SMAD2: variants seen among roughly 807,000 people sequenced by gnomAD.
SMAD2 encodes SMAD family member 2.
SMAD2 carries 8 observed loss-of-function variants against 64.4 expected under a neutral mutation model. That is an observed-to-expected ratio of 0.12 (90% CI 0.07 to 0.22). The LOEUF is 0.22. Among genes scored for constraint, SMAD2 ranks in the 10% least tolerant of loss-of-function variants. The pLI, the probability that SMAD2 is intolerant of heterozygous loss-of-function variation, is 1.00. For missense variants in SMAD2, 289 were observed against 561.2 expected (o/e 0.51, Z 4.90); for synonymous variants, 203 against 195.8 (o/e 1.04, Z -0.31).
At chr18:47,878,256 T>G (rs538013378) in intron 2 of SMAD2, 1 of 152,326 alleles carries the variant, frequency 6.6e-6, no homozygotes, top group Admixed American at 6.5e-5. Flanking sequence ...ATACCAAGTC[T>G]TCCTAATCGG....
intron 7 of SMAD2, among the ~76,000 whole-genome samples, chr18:47,850,849 TTATA>T (rs56339341): frequency 1.6e-4 from 2 of 12,784 alleles, no homozygotes; most frequent in Non-Finnish European, 4.2e-4. Context: ...ATATTATATA[TTATA>T]TATATTATAT....
intron 5 of SMAD2, 112 bp from the exon 6 acceptor site, chr18:47,865,245 TATA>T: frequency 3.1e-6 from 2 of 651,542 alleles, no homozygotes; most frequent in African/African-American, 1.8e-5. Context: ...AATAATGTTA[TATA>T]ATATTATAAA....
chr18:47,926,472 TTC>T (rs1251390988), intron 1 of SMAD2, among the ~76,000 whole-genome samples: 3 of 152,172 alleles, frequency 2.0e-5, no homozygotes, highest in African/African-American at 7.2e-5. Flanking sequence ...TATCTGTTTT[TTC>T]TGACAAGAGA....
chr18:47,909,250 C>A (rs764186964), intron 1 of SMAD2, among the ~76,000 whole-genome samples: 1 of 152,040 alleles, frequency 6.6e-6, no homozygotes, highest in African/African-American at 2.4e-5. Flanking sequence ...TGAGAAAAAG[C>A]GGAGTCATTA....
intron 6 of SMAD2, among the ~76,000 whole-genome samples, chr18:47,859,488 C>T (rs958063767): frequency 6.6e-6 from 1 of 152,118 alleles, no homozygotes; most frequent in African/African-American, 2.4e-5. Context: ...GGACTGTTAA[C>T]AGAATTAAAT....
rs1912659725 is a variant in SMAD2, at chr18:47,823,915, G to A, written c.*17912C>T. On this transcript the variant is annotated 3_prime_UTR_variant, in exon 11 of 11. Transcript: ENST00000262160. ...TAATGCTAGCCCAGCACTTTGAGGG[G>A]ACAACAAAGGACTAAGGAAAAAAAA... The A allele has an allele frequency of 6.6e-6, 1 of 152,138 alleles. No homozygotes were observed. The highest frequency in any genetic ancestry group is 2.1e-4 in the South Asian group (1 of 4,834). 9.4% of individuals were successfully genotyped at this position (152,138 alleles called of 1,614,324 possible). A position where few individuals can be genotyped will look rare whatever the true frequency, so the allele number is the denominator to read the frequency against.
rs1016506366 is a variant in SMAD2, at chr18:47,815,631, G to A, written c.*26196C>T. ...TTGAATAAGACATCACTTCCTCCAA[G>A]TCTGAGTACAGCACGCAAGGGCAAC... is the stretch of plus-strand genomic sequence containing the variant. On this transcript the variant is annotated 3_prime_UTR_variant, in exon 11 of 11. Transcript: ENST00000262160. 6 of 152,196 alleles carry A rather than the reference G, an allele frequency of 3.9e-5. No homozygotes were observed. The highest frequency in any genetic ancestry group is 1.4e-4 in the African/African-American group (6 of 41,452). The allele number at this position is 152,196 out of a possible 1,614,324, so 9.4% of individuals were successfully genotyped here.
At chr18:47,930,853 C>A (rs1431411942), upstream of SMAD2, 4 of 149,374 alleles carry the variant, frequency 2.7e-5, no homozygotes, top group African/African-American at 9.7e-5. Flanking sequence ...GCCGCCGCGG[C>A]CGCGCGGGTA....
rs796786824 is a variant in SMAD2 at position 47,826,034 on chromosome 18, G to A, written c.*15793C>T. On this transcript the variant is annotated 3_prime_UTR_variant, in exon 11 of 11. Transcript: ENST00000262160. ...CTACTTTCTAGTGCTGTACAGGATAGGCTCAGCGTTTGGAGAGTGTTAACT... is the reference window on the plus strand; with the variant it reads ...CTACTTTCTAGTGCTGTACAGGATAAGCTCAGCGTTTGGAGAGTGTTAACT... 30 of 152,326 alleles carry A rather than the reference G, an allele frequency of 2.0e-4. No homozygotes were observed. The highest frequency in any genetic ancestry group is 7.2e-4 in the African/African-American group (30 of 41,570). The allele number at this position is 152,326 out of a possible 1,614,324, so 9.4% of individuals were successfully genotyped here. A position where few individuals can be genotyped will look rare whatever the true frequency, so the allele number is the denominator to read the frequency against.
At chr18:47,919,508 AC>A (rs1488295474) in intron 1 of SMAD2, among the ~76,000 whole-genome samples, 16 of 144,456 alleles carry the variant, frequency 1.1e-4, no homozygotes, top group Non-Finnish European at 2.2e-4. Flanking sequence ...ACACACACAC[AC>A]ACACACACAC....
At position 47,811,669 on chromosome 18, in the gene SMAD2, CAG is replaced by C. The variant is rs1289714216; in HGVS notation, c.*30156_*30157del. On this transcript the variant is annotated 3_prime_UTR_variant, in exon 11 of 11. Coordinates refer to ENST00000262160, the MANE Select transcript of SMAD2 (RefSeq NM_005901.6). ...TTCATCAGAACCTTTGATCACAAAA[CAG>C]ACAATGAGAGCAGCTGATCAAAATG... 6.6e-6 allele frequency: 1 copy of C among 152,050 alleles called. No homozygotes were observed. The highest frequency in any genetic ancestry group is 6.6e-5 in the Admixed American group (1 of 15,244). 9.4% of individuals were successfully genotyped at this position (152,050 alleles called of 1,614,324 possible).
Position 47,831,079 on chromosome 18 carries a change from AG to A in SMAD2, c.*10747del, listed in dbSNP as rs1237713129. On this transcript the variant is annotated 3_prime_UTR_variant, in exon 11 of 11. Coordinates refer to ENST00000262160, the MANE Select transcript of SMAD2 (RefSeq NM_005901.6). ...AACCACTGCCCCCAAATGACTGCTC[AG>A]AAGCACAATCTCACTGCAAACTATG... 2 of 152,332 alleles carry A rather than the reference AG, an allele frequency of 1.3e-5. No individual in the cohort carries two copies. Among genetic ancestry groups the A allele is most frequent in the African/African-American group, 4.8e-5 (2 of 41,468 alleles). 9.4% of individuals were successfully genotyped at this position (152,332 alleles called of 1,614,324 possible).
chr18:47,849,681 T>C (rs1914902810), intron 7 of SMAD2, among the ~76,000 whole-genome samples: 1 of 152,068 alleles, frequency 6.6e-6, no homozygotes, highest in African/African-American at 2.4e-5. Context: ...TACCTAATAA[T>C]ATAAATGCTA....
chr18:47,903,402 GA>G (rs2144494979), intron 1 of SMAD2, among the ~76,000 whole-genome samples: 1 of 152,084 alleles, frequency 6.6e-6, no homozygotes, highest in South Asian at 2.1e-4. Flanking sequence ...AATGACCAAG[GA>G]ATTGACAGCT....
intron 2 of SMAD2, among the ~76,000 whole-genome samples, chr18:47,894,150 C>T (rs1309689857): frequency 1.3e-5 from 2 of 152,194 alleles, no homozygotes; most frequent in Non-Finnish European, 2.9e-5. Flanking sequence ...AAAGATTAGA[C>T]TCTCTCAGGC....
intron 2 of SMAD2, chr18:47,895,639 G>T (rs1178972883): frequency 6.6e-6 from 1 of 152,118 alleles, no homozygotes; most frequent in Non-Finnish European, 1.5e-5. Context: ...ACAAGTAAGG[G>T]AAAGAAATGG....
At chr18:47,921,044 C>CTA (rs1436116474) in intron 1 of SMAD2, among the ~76,000 whole-genome samples, 1 of 152,190 alleles carries the variant, frequency 6.6e-6, no homozygotes, top group African/African-American at 2.4e-5. Flanking sequence ...GCAGTCCCAA[C>CTA]TACTCAGGTA....
In SMAD2 at chr18:47,830,053, G is replaced by A. The variant is rs548705733; in HGVS notation, c.*11774C>T. On this transcript the variant is annotated 3_prime_UTR_variant, in exon 11 of 11. Transcript: ENST00000262160. ...GCCACTAATTCTTTTACAGATGAAA[G>A]CATTCAATTATCTCTATAAAATTCA... The A allele has an allele frequency of 1.3e-5, 2 of 152,278 alleles. No homozygotes were observed. The highest frequency in any genetic ancestry group is 4.8e-5 in the African/African-American group (2 of 41,562). The allele number at this position is 152,278 out of a possible 1,614,324, so 9.4% of individuals were successfully genotyped here. A position where few individuals can be genotyped will look rare whatever the true frequency, so the allele number is the denominator to read the frequency against.
At chr18:47,842,474 AG>A (rs1228557679) in intron 10 of SMAD2, among the ~76,000 whole-genome samples, 2 of 152,046 alleles carry the variant, frequency 1.3e-5, no homozygotes, top group Admixed American at 6.5e-5. Context: ...CAAGAGGCAG[AG>A]GCTGCAGTGA....
Sources: gnomAD v4.1 joint callset for allele counts (sites outside exome capture counted in the v4.1 genomes callset) on GRCh38, gnomAD v4.1.1 for gene constraint, MANE v1.5 for transcripts, NCBI Gene and HGNC (gene_info 2026-07-23, HGNC 2026-07-21) for gene names.